SPIRE1: variants seen among roughly 807,000 people sequenced by gnomAD.
SPIRE1 encodes protein spire homolog 1.
In SPIRE1, 40 loss-of-function variants were observed where a neutral mutation model predicts 94.1. The observed-to-expected ratio is 0.43, with a 90% CI of 0.33 to 0.55. SPIRE1 has a LOEUF of 0.55. Among genes scored for constraint, SPIRE1 ranks in the 20% least tolerant of loss-of-function variants. The probability of loss-of-function intolerance (pLI) is 0.06; values close to 1 mark genes in which losing one functional copy is unlikely to be tolerated. For synonymous variants in SPIRE1, 376 were observed against 371.7 expected, an observed-to-expected ratio of 1.01 and a Z score of -0.13; for missense variants, 838 against 975.2, an observed-to-expected ratio of 0.86 and a Z score of 1.87.
intron 4 of SPIRE1, among the ~76,000 whole-genome samples, chr18:12,516,511 G>A (rs933827786): frequency 6.6e-6 from 1 of 152,176 alleles, no homozygotes. Context: ...TACAGCCTTT[G>A]AGATTCTGGA....
intron 5 of SPIRE1, among the ~76,000 whole-genome samples, chr18:12,511,436 C>T (rs2034033129): frequency 6.6e-6 from 1 of 152,190 alleles, no homozygotes; most frequent in Admixed American, 6.6e-5. Context: ...GCCTGATGAT[C>T]TGAGGTGGAA....
In SPIRE1 at chr18:12,638,995, C is replaced by G. The variant is rs1005504546; in HGVS notation, c.338-3899G>C. Among the ~76,000 whole-genome samples, 36 of 152,164 alleles carry G rather than the reference C, an allele frequency of 2.4e-4. 1 individual carries two copies. The highest frequency in any genetic ancestry group is 6.5e-5 in the Admixed American group (1 of 15,282). On this transcript the variant is annotated intron_variant, in intron 1 of 16. Coordinates refer to ENST00000409402, the MANE Select transcript of SPIRE1 (RefSeq NM_001128626.2). The stretch of plus-strand genomic sequence containing the variant: ...TCTCAGGTAGTTCTTTATAGCAATG[C>G]AAGAATGGACTAATATATCTCCATT...
chr18:12,488,714 G>A lies in SPIRE1; in HGVS notation c.1190-2714C>T, dbSNP rs1426864039. Among the ~76,000 whole-genome samples the A allele has an allele frequency of 2.0e-5, 3 of 152,288 alleles. No homozygotes were observed. In the East Asian group the frequency reaches 5.8e-4, roughly 29 times the overall value. ...ATACACACGTCAATAAAGGGGATAT[G>A]CATGTTAGATGTGGCAAATAAATCA... is the stretch of plus-strand genomic sequence containing the variant. On this transcript the variant is annotated intron_variant, in intron 8 of 16. Coordinates refer to ENST00000409402, the MANE Select transcript of SPIRE1 (RefSeq NM_001128626.2).
intron 8 of SPIRE1, among the ~76,000 whole-genome samples, chr18:12,488,853 C>G (rs1299444461): frequency 2.6e-5 from 4 of 152,106 alleles, no homozygotes; most frequent in Non-Finnish European, 5.9e-5. Flanking sequence ...TTTTAATTAT[C>G]TCATAGGAAA....
intron 2 of SPIRE1, among the ~76,000 whole-genome samples, chr18:12,553,045 C>T (rs1200070869): frequency 6.6e-6 from 1 of 152,084 alleles, no homozygotes; most frequent in Non-Finnish European, 1.5e-5. Context: ...ACTAATGAGT[C>T]CTTGGGCCCT....
intron 2 of SPIRE1, among the ~76,000 whole-genome samples, chr18:12,620,681 G>A (rs1161551668): frequency 6.6e-6 from 1 of 151,992 alleles, no homozygotes; most frequent in Non-Finnish European, 1.5e-5. Context: ...CTAAATATAA[G>A]AACCAAAACT....
At chr18:12,492,981 T>A in intron 8 of SPIRE1, 91 bp downstream of exon 8, 1 of 1,406,598 alleles carries the variant, frequency 7.1e-7, no homozygotes, top group African/African-American at 1.4e-5. Flanking sequence ...GAACAAGGAA[T>A]GAGAACTCTT....
chr18:12,589,725 T>G (rs1307039744), intron 2 of SPIRE1, among the ~76,000 whole-genome samples: 4 of 152,186 alleles, frequency 2.6e-5, no homozygotes, highest in Non-Finnish European at 4.4e-5. Flanking sequence ...CAACTGCCAA[T>G]TCCTTCTGGT....
intron 2 of SPIRE1, among the ~76,000 whole-genome samples, chr18:12,599,225 C>T (rs1038212168): frequency 6.6e-6 from 1 of 152,192 alleles, no homozygotes; most frequent in Non-Finnish European, 1.5e-5. Context: ...CTAACCCAGG[C>T]TCATCCATTG....
At chr18:12,588,419 G>T (rs1050283079) in intron 2 of SPIRE1, 6 of 151,724 alleles carry the variant, frequency 4.0e-5, no homozygotes, top group Non-Finnish European at 8.8e-5. Flanking sequence ...TATTAAATAG[G>T]CTGTCAAAAT....
intron 10 of SPIRE1, 24 bp downstream of exon 10, chr18:12,479,675 A>G: frequency 6.3e-7 from 1 of 1,576,710 alleles, no homozygotes. Flanking sequence ...CTTGGGAGTC[A>G]AGCTGGGTGA....
chr18:12,494,404 C>A (rs2033358829), intron 7 of SPIRE1, among the ~76,000 whole-genome samples: 1 of 152,090 alleles, frequency 6.6e-6, no homozygotes, highest in African/African-American at 2.4e-5. Context: ...ATGGTCCATG[C>A]TCCTTCTGTT....
intron 16 of SPIRE1, chr18:12,450,605 G>T: frequency 1.8e-6 from 1 of 559,854 alleles, no homozygotes; most frequent in Non-Finnish European, 3.2e-6. Flanking sequence ...GACAATGTCT[G>T]GGAAAGAGAA....
At chr18:12,512,224 C>T (rs1165178761) in intron 5 of SPIRE1, among the ~76,000 whole-genome samples, 2 of 151,980 alleles carry the variant, frequency 1.3e-5, no homozygotes, top group African/African-American at 2.4e-5. Context: ...ATTAGCCAGG[C>T]GTGGTGGCAC....
chr18:12,538,891 A>G (rs1178949369), intron 3 of SPIRE1, among the ~76,000 whole-genome samples: 1 of 152,080 alleles, frequency 6.6e-6, no homozygotes, highest in Non-Finnish European at 1.5e-5. Flanking sequence ...TCTACCTTCA[A>G]AATATACCAC....
At chr18:12,638,302 C>G (rs9949203) in intron 1 of SPIRE1, among the ~76,000 whole-genome samples, 1 of 151,994 alleles carries the variant, frequency 6.6e-6, no homozygotes, top group Admixed American at 6.6e-5. Context: ...AAATTAGCCA[C>G]GCATGTTGGC....
chr18:12,642,463 G>A (rs1340952544), intron 1 of SPIRE1, among the ~76,000 whole-genome samples: 2 of 152,074 alleles, frequency 1.3e-5, no homozygotes, highest in African/African-American at 4.8e-5. Context: ...CCAGGGACTA[G>A]AGTCTCCCCT....
intron 10 of SPIRE1, among the ~76,000 whole-genome samples, chr18:12,468,980 C>T (rs2032235126): frequency 6.6e-6 from 1 of 152,060 alleles, no homozygotes; most frequent in Non-Finnish European, 1.5e-5. Flanking sequence ...AGGAGAATCC[C>T]CTGAGACCAA....
At chr18:12,529,241 C>T (rs534898322) in intron 4 of SPIRE1, among the ~76,000 whole-genome samples, 10 of 152,096 alleles carry the variant, frequency 6.6e-5, no homozygotes, top group South Asian at 6.2e-4. Flanking sequence ...TGGTGGCGGG[C>T]GCCTGTAGTC....
Sources: gnomAD v4.1 joint callset for allele counts (sites outside exome capture counted in the v4.1 genomes callset) on GRCh38, gnomAD v4.1.1 for gene constraint, MANE v1.5 for transcripts, NCBI Gene and HGNC (gene_info 2026-07-23, HGNC 2026-07-21) for gene names.